GALNT18: variants seen among roughly 807,000 people sequenced by gnomAD.
GALNT18 encodes polypeptide N-acetylgalactosaminyltransferase 18, also known as GalNAc-transferase 18.
Under a neutral mutation model 69.5 loss-of-function variants are expected in GALNT18, and 44 were observed. The ratio of observed to expected loss-of-function variants is 0.63; its 90% CI spans 0.50 to 0.81. The LOEUF is 0.81. GALNT18 is among the 40% of genes least tolerant of loss of function. The pLI is 0.00. For synonymous variants in GALNT18, 364 were observed against 318.2 expected (o/e 1.14, Z -1.53); for missense variants, 715 against 810.0 (o/e 0.88, Z 1.42).
chr11:11,567,617 C>A (rs1858685019), intron 1 of GALNT18, among the ~76,000 whole-genome samples: 1 of 152,172 alleles, frequency 6.6e-6, no homozygotes, highest in Non-Finnish European at 1.5e-5. Context: ...CAAACCCAGC[C>A]AGCCCCACCA....
chr11:11,477,018 C>T (rs1372405461), intron 1 of GALNT18, among the ~76,000 whole-genome samples: 5 of 152,154 alleles, frequency 3.3e-5, no homozygotes, highest in South Asian at 2.1e-4. Context: ...GCTGGATGAC[C>T]GACCTCCCAC....
chr11:11,441,409 T>G (rs1004083483), intron 2 of GALNT18, among the ~76,000 whole-genome samples: 5 of 152,126 alleles, frequency 3.3e-5, no homozygotes, highest in African/African-American at 1.2e-4. Flanking sequence ...CTGGGTCTCC[T>G]CCACAGAGGC....
In GALNT18 at chr11:11,600,716, T is replaced by C. The variant is rs80135538; in HGVS notation, c.235+20643A>G. Among the ~76,000 whole-genome samples the C allele has an allele frequency of 0.012, 1,823 of 152,244 alleles. 33 individuals carry two copies. The highest frequency in any genetic ancestry group is 0.042 in the African/African-American group (1,733 of 41,570). ...TTGGGGAGTATTTGGCTATTATTTC[T>C]TCATATATTTTTTGGCTTCTTTCTT... On this transcript the variant is annotated intron_variant, in intron 1 of 10. Transcript: ENST00000227756. The surrounding 1 kb of genome is among the most constrained non-coding windows in gnomAD (Gnocchi z 4.8).
In GALNT18 at chr11:11,444,764, G is replaced by A. The variant is rs572615727; in HGVS notation, c.428+3980C>T. ...GAATGAAGCCAAGAATAACATCAGG[G>A]TTAGAATTTGGAAGAAAAGAGCCAA... is the stretch of plus-strand genomic sequence containing the variant. On this transcript the variant is annotated intron_variant, in intron 2 of 10. Coordinates refer to ENST00000227756, the MANE Select transcript of GALNT18 (RefSeq NM_198516.3). This position sits in a 1 kb window ranked among gnomAD's most constrained non-coding sequence, Gnocchi z 4.4. 3.3e-5 allele frequency among the ~76,000 whole-genome samples: 5 copies of A among 152,270 alleles called. No individual in the cohort carries two copies. The East Asian group carries it at 9.7e-4, about 29-fold the overall frequency.
Position 11,555,058 on chromosome 11 carries a change from G to T in GALNT18, c.235+66301C>A, listed in dbSNP as rs1565009689. On this transcript the variant is annotated intron_variant, in intron 1 of 10. Coordinates refer to ENST00000227756, the MANE Select transcript of GALNT18 (RefSeq NM_198516.3). The surrounding 1 kb of genome is among the most constrained non-coding windows in gnomAD (Gnocchi z 4.7). ...TAAATCTTACCAACAACCCAATAAA[G>T]TGTCTATCATTTCTGCCATTCTACA... Among the ~76,000 whole-genome samples, 1 of 152,206 alleles carries T rather than the reference G, an allele frequency of 6.6e-6. No individual in the cohort carries two copies. Among genetic ancestry groups the T allele is most frequent in the Non-Finnish European group, 1.5e-5 (1 of 68,042 alleles).
rs922814658 is a variant in GALNT18, at chr11:11,341,125, A to T, written c.1093-121T>A. ...CAGCCCCTTCACCTTGACTCCCCAG[A>T]TCACTCTCTGTGAAGGAGTAGGCCA... On this transcript the variant is annotated intron_variant, in intron 6 of 10. Transcript: ENST00000227756. This position sits in a 1 kb window ranked among gnomAD's most constrained non-coding sequence, Gnocchi z 6.3. 3 of 853,462 alleles carry T rather than the reference A, an allele frequency of 3.5e-6. No individual in the cohort carries two copies. Among genetic ancestry groups the T allele is most frequent in the Admixed American group, 2.6e-5 (1 of 38,698 alleles). The allele number at this position is 853,462 out of a possible 1,614,324, so 52.9% of individuals were successfully genotyped here. A position where few individuals can be genotyped will look rare whatever the true frequency, so the allele number is the denominator to read the frequency against.
chr11:11,272,781 G>A (rs764518885), intron 10 of GALNT18, among the ~76,000 whole-genome samples: 19 of 152,074 alleles, frequency 1.2e-4, no homozygotes, highest in Non-Finnish European at 2.4e-4. Context: ...AAGCTGGGCT[G>A]GTGCTCTTCA....
At chr11:11,441,762 T>G (rs1855536376) in intron 2 of GALNT18, among the ~76,000 whole-genome samples, 1 of 152,224 alleles carries the variant, frequency 6.6e-6, no homozygotes, top group Non-Finnish European at 1.5e-5. Flanking sequence ...ATGGCCTACC[T>G]GCTCCTGCTG....
In GALNT18 at chr11:11,298,792, G is replaced by T. The variant is rs185086306; in HGVS notation, c.1513-5599C>A. ...CATATAACATTTTCTTTGAACAACAGGTTATGATGAATTTTAAGAAGTTTG... is the reference window on the plus strand; with the variant it reads ...CATATAACATTTTCTTTGAACAACATGTTATGATGAATTTTAAGAAGTTTG... On this transcript the variant is annotated intron_variant, in intron 9 of 10. Transcript: ENST00000227756. 5.6e-3 allele frequency among the ~76,000 whole-genome samples: 848 copies of T among 152,292 alleles called. 5 individuals are homozygous for T. The Middle Eastern group carries it at 0.075, about 13-fold the overall frequency.
At chr11:11,427,625 G>T (rs1429207662) in intron 3 of GALNT18, among the ~76,000 whole-genome samples, 1 of 152,158 alleles carries the variant, frequency 6.6e-6, no homozygotes, top group South Asian at 2.1e-4. Flanking sequence ...AATAGGGTTC[G>T]CAGAGGTTAA....
rs967597917 is a variant in GALNT18 at position 11,470,823 on chromosome 11, T to C, written c.236-21887A>G. On this transcript the variant is annotated intron_variant, in intron 1 of 10. Transcript: ENST00000227756. This position sits in a 1 kb window ranked among gnomAD's most constrained non-coding sequence, Gnocchi z 4.8. ...GGTACCATGGTGTCTCCATGCTGCA[T>C]TCTTAGCCTCTGACCATCTGTGGCC... Among the ~76,000 whole-genome samples the C allele has an allele frequency of 6.6e-6, 1 of 152,146 alleles. No homozygotes were observed. The highest frequency in any genetic ancestry group is 1.9e-4 in the East Asian group (1 of 5,186).
rs1253012127 is a variant in GALNT18, at chr11:11,542,628, A to G, written c.235+78731T>C. 6.6e-6 allele frequency among the ~76,000 whole-genome samples: 1 copy of G among 152,224 alleles called. No individual in the cohort carries two copies. The highest frequency in any genetic ancestry group is 1.5e-5 in the Non-Finnish European group (1 of 68,036). On this transcript the variant is annotated intron_variant, in intron 1 of 10. Transcript: ENST00000227756. The surrounding 1 kb of genome is among the most constrained non-coding windows in gnomAD (Gnocchi z 4.3). ...TAGAGTAAAGAGGTCAAGAACATTG[A>G]TTCTGGACTTAGGCAGCATGGGTTC...
intron 3 of GALNT18, among the ~76,000 whole-genome samples, chr11:11,409,700 T>C (rs2133754208): frequency 6.6e-6 from 1 of 152,184 alleles, no homozygotes; most frequent in Non-Finnish European, 1.5e-5. Context: ...CCCTGCATTT[T>C]ATTCAATGTT....
chr11:11,355,843 T>C (rs1850519256), intron 6 of GALNT18, among the ~76,000 whole-genome samples: 1 of 152,156 alleles, frequency 6.6e-6, no homozygotes. Context: ...CCCTGTCTCT[T>C]GAACTTTCCC....
At chr11:11,305,464 A>C (rs1014567702) in intron 9 of GALNT18, among the ~76,000 whole-genome samples, 3 of 152,174 alleles carry the variant, frequency 2.0e-5, no homozygotes, top group Non-Finnish European at 4.4e-5. Context: ...AGTACAAGAA[A>C]CTTTGAACAT....
In GALNT18 at chr11:11,382,117, G is replaced by A. The variant is rs73419778; in HGVS notation, c.596-2853C>T. Among the ~76,000 whole-genome samples the A allele has an allele frequency of 0.019, 2,906 of 152,210 alleles. 72 individuals are homozygous for A. The highest frequency in any genetic ancestry group is 0.058 in the African/African-American group (2,395 of 41,496). On this transcript the variant is annotated intron_variant, in intron 3 of 10. Coordinates refer to ENST00000227756, the MANE Select transcript of GALNT18 (RefSeq NM_198516.3). The surrounding 1 kb of genome is among the most constrained non-coding windows in gnomAD (Gnocchi z 4.3). ...CTGTTAACACTGAGCTAGAGTAAAG[G>A]CTTCTGGTGGACCAGATAGTAGAAA...
At chr11:11,559,645 C>G (rs66887758) in intron 1 of GALNT18, among the ~76,000 whole-genome samples, 29 of 149,402 alleles carry the variant, frequency 1.9e-4, no homozygotes, top group South Asian at 2.1e-4. Flanking sequence ...GGATGGGATG[C>G]GATGGGATGG....
In GALNT18 at chr11:11,541,881, CA is replaced by C. The variant is rs1389025139; in HGVS notation, c.235+79477del. On this transcript the variant is annotated intron_variant, in intron 1 of 10. Transcript: ENST00000227756. The surrounding 1 kb of genome is among the most constrained non-coding windows in gnomAD (Gnocchi z 4.8). The stretch of plus-strand genomic sequence containing the variant: ...CTTTCCCTCAGCCTGGCCACCCTTC[CA>C]GAGAGCTGTCCTGACACACCTCGCT... Among the ~76,000 whole-genome samples the C allele has an allele frequency of 1.3e-5, 2 of 152,026 alleles. No homozygotes were observed. The highest frequency in any genetic ancestry group is 1.9e-4 in the East Asian group (1 of 5,164).
In GALNT18 at chr11:11,372,947, C is replaced by A. The variant is rs967695684; in HGVS notation, c.978-318G>T. The stretch of plus-strand genomic sequence containing the variant: ...TGACTGTATCTCCCGCTGCCCTGAC[C>A]CTGACCTCTGCACAGCCAGTCTCTG... On this transcript the variant is annotated intron_variant, in intron 5 of 10. Transcript: ENST00000227756. The surrounding 1 kb of genome is among the most constrained non-coding windows in gnomAD (Gnocchi z 4.9). Among the ~76,000 whole-genome samples the A allele has an allele frequency of 1.3e-5, 2 of 152,056 alleles. No individual in the cohort carries two copies.
Sources: gnomAD v4.1 joint callset for allele counts (sites outside exome capture counted in the v4.1 genomes callset) on GRCh38, gnomAD v4.1.1 for gene constraint, Gnocchi (gnomAD v3.1) non-coding constraint, MANE v1.5 for transcripts, NCBI Gene and HGNC (gene_info 2026-07-23, HGNC 2026-07-21) for gene names.